The following XKR9 variants were observed in gnomAD, a reference collection of about 807,000 sequenced individuals.
XKR9 encodes the protein XK-related protein 9.
Under a neutral mutation model 32.0 loss-of-function variants are expected in XKR9, and 32 were observed. The ratio of observed to expected loss-of-function variants is 1.00; its 90% CI spans 0.76 to 1.34. The LOEUF (loss-of-function observed/expected upper bound fraction) is 1.34, where lower values mean the gene tolerates loss of function less well. XKR9 is among the 40% of genes most tolerant of loss of function. XKR9 has a pLI of 0.00. For synonymous variants in XKR9, 168 were observed against 143.4 expected (o/e 1.17, Z -1.22); for missense variants, 546 against 429.7 (o/e 1.27, Z -2.39).
At chr8:70,755,522 A>G (rs1408161584) in intron 2 of XKR9, among the ~76,000 whole-genome samples, 2 of 152,170 alleles carry the variant, frequency 1.3e-5, no homozygotes, top group Non-Finnish European at 2.9e-5. Flanking sequence ...ATGTCCAACA[A>G]TGATAGACTG....
chr8:70,754,645 A>C (rs1298230371), intron 2 of XKR9, among the ~76,000 whole-genome samples: 4 of 151,596 alleles, frequency 2.6e-5, no homozygotes, highest in African/African-American at 9.7e-5. Flanking sequence ...CAAACCTGAC[A>C]AAAACAAGCA....
Position 70,734,252 on chromosome 8 carries a change from A to G in XKR9, c.950A>G (p.Tyr317Cys). ...VCPLTIFNPD[Y>C]FIPISITIVL... ...CCCCTCACTATTTTTAATCCAGACT[A>G]TTTTATACCTATCAGTATAACTATA... Residue 317 changes from tyrosine (Y) to cysteine (C), a missense_variant, in exon 5 of 5, where the codon TAT becomes TGT. Tyr to Cys is a radical substitution (Grantham distance 194, BLOSUM62 -2). Transcript: ENST00000408926. The G allele has an allele frequency of 4.3e-6, 7 of 1,612,984 alleles. No individual in the cohort carries two copies. Among genetic ancestry groups the G allele is most frequent in the Non-Finnish European group, 5.9e-6 (7 of 1,179,384 alleles).
chr8:70,844,864 G>A, the XKR9 span, among the ~76,000 whole-genome samples: 1 of 152,200 alleles, frequency 6.6e-6, no homozygotes, highest in Admixed American at 6.5e-5. Flanking sequence ...TCCCCCCACT[G>A]CTGCTGCCAT....
chr8:70,753,434 A>G lies in XKR9; in HGVS notation n.353-35905A>G, dbSNP rs112725551. Reference sequence around the variant, plus strand: ...ATTTTATGAGGCCAGCATCATCCGGATACCAAAGCCTGGCAGAGACACAAC... The same window carrying G: ...ATTTTATGAGGCCAGCATCATCCGGGTACCAAAGCCTGGCAGAGACACAAC... On this transcript the variant is annotated intron_variant and non_coding_transcript_variant, in intron 2 of 3. Transcript: ENST00000520273. Among the ~76,000 whole-genome samples the G allele has an allele frequency of 8.5e-3, 1,295 of 152,260 alleles. 9 individuals carry two copies. The highest frequency in any genetic ancestry group is 0.015 in the Non-Finnish European group (996 of 68,030).
At chr8:70,886,054 G>A in the XKR9 span, among the ~76,000 whole-genome samples, 4 of 151,810 alleles carry the variant, frequency 2.6e-5, no homozygotes, top group South Asian at 2.1e-4. Context: ...CCCTACCCCC[G>A]CACAGGCCTT....
At chr8:71,049,231 A>T in the XKR9 span, among the ~76,000 whole-genome samples, 2 of 152,198 alleles carry the variant, frequency 1.3e-5, no homozygotes, top group Non-Finnish European at 2.9e-5. Flanking sequence ...TTGATGGTAT[A>T]ACATTGTACT....
At chr8:71,052,841 T>C in the XKR9 span, among the ~76,000 whole-genome samples, 2 of 152,284 alleles carry the variant, frequency 1.3e-5, no homozygotes, top group South Asian at 4.1e-4. Flanking sequence ...GGCAGGCTGA[T>C]CATGTCGTGT....
intron 3 of XKR9, among the ~76,000 whole-genome samples, chr8:70,691,365 T>C (rs1805063755): frequency 6.6e-6 from 1 of 152,222 alleles, no homozygotes; most frequent in Non-Finnish European, 1.5e-5. Context: ...GTAGGTTGTT[T>C]GTTTACTCTG....
At chr8:70,889,437 A>C in the XKR9 span, among the ~76,000 whole-genome samples, 2 of 151,528 alleles carry the variant, frequency 1.3e-5, no homozygotes, top group Non-Finnish European at 3.0e-5. Context: ...CAGGGGGTAC[A>C]TGTGTAGGTT....
At chr8:70,914,265 T>A in the XKR9 span, among the ~76,000 whole-genome samples, 1 of 152,168 alleles carries the variant, frequency 6.6e-6, no homozygotes, top group African/African-American at 2.4e-5. Context: ...AGAAGTAGGA[T>A]TTCTGCATCA....
chr8:70,788,293 G>C (rs945000213), intron 2 of XKR9, among the ~76,000 whole-genome samples: 1 of 152,072 alleles, frequency 6.6e-6, no homozygotes, highest in African/African-American at 2.4e-5. Context: ...AGCTCATAAG[G>C]TTGTAACAGA....
the XKR9 span, among the ~76,000 whole-genome samples, chr8:70,961,930 C>G: frequency 6.6e-6 from 1 of 152,022 alleles, no homozygotes; most frequent in Non-Finnish European, 1.5e-5. Flanking sequence ...ATAAAATAAA[C>G]AAATTGGATT....
At chr8:70,713,304 C>T (rs889669075) in intron 4 of XKR9, among the ~76,000 whole-genome samples, 7 of 152,004 alleles carry the variant, frequency 4.6e-5, no homozygotes, top group African/African-American at 1.7e-4. Flanking sequence ...AGGGTGAGAA[C>T]ATCTAATATA....
chr8:70,896,281 A>C, the XKR9 span, among the ~76,000 whole-genome samples: 1 of 152,164 alleles, frequency 6.6e-6, no homozygotes, highest in Admixed American at 6.5e-5. Flanking sequence ...TGTAGAATTA[A>C]TATTGTTTGT....
At chr8:70,873,364 G>C in the XKR9 span, among the ~76,000 whole-genome samples, 4 of 152,158 alleles carry the variant, frequency 2.6e-5, no homozygotes, top group Non-Finnish European at 5.9e-5. Flanking sequence ...AGTAAGTCCT[G>C]TGATGGACCT....
intron 2 of XKR9, among the ~76,000 whole-genome samples, chr8:70,742,428 G>A (rs551059301): frequency 6.6e-6 from 1 of 152,288 alleles, no homozygotes; most frequent in East Asian, 1.9e-4. Context: ...GGCAGCACTT[G>A]ATTCGGAATC....
chr8:70,718,630 G>A (rs575353502), intron 4 of XKR9, among the ~76,000 whole-genome samples: 3 of 152,116 alleles, frequency 2.0e-5, no homozygotes, highest in African/African-American at 7.2e-5. Context: ...CTTCATCCAT[G>A]TCCCTGCAAA....
chr8:70,754,220 T>G (rs930097161), intron 2 of XKR9, among the ~76,000 whole-genome samples: 2 of 147,764 alleles, frequency 1.4e-5, no homozygotes, highest in South Asian at 2.2e-4. Flanking sequence ...ATGTGAAGGA[T>G]CTCTTCAAGG....
rs777242238 is a variant in XKR9 at position 70,707,158 on chromosome 8, G to A, written c.493+5G>A. 2 of 1,610,880 alleles carry A rather than the reference G, an allele frequency of 1.2e-6. No homozygotes were observed. The highest frequency in any genetic ancestry group is 2.2e-5 in the East Asian group (1 of 44,820). ...GACAAGCGAATTTCAGTCAGTGTAAGTTTTTCTTAACTCCTTGTGTTAAAT... is the reference window on the plus strand; with the variant it reads ...GACAAGCGAATTTCAGTCAGTGTAAATTTTTCTTAACTCCTTGTGTTAAAT... On this transcript the variant is annotated splice_donor_5th_base_variant and intron_variant, in intron 4 of 4. Transcript: ENST00000408926.
Sources: allele counts gnomAD v4.1 joint callset (sites outside exome capture counted in the v4.1 genomes callset), GRCh38; gene constraint gnomAD v4.1.1; transcripts MANE v1.5; gene names NCBI Gene and HGNC (gene_info 2026-07-23, HGNC 2026-07-21).